PA2G4: variants seen among roughly 807,000 people sequenced by gnomAD.
PA2G4 encodes the protein proliferation-associated protein 2G4.
Under a neutral mutation model 53.3 loss-of-function variants are expected in PA2G4, and 8 were observed. The ratio of observed to expected loss-of-function variants is 0.15; its 90% CI spans 0.09 to 0.27. The LOEUF (loss-of-function observed/expected upper bound fraction) is 0.27. PA2G4 is among the 10% of genes least tolerant of loss of function. The probability of loss-of-function intolerance (pLI) is 1.00; values close to 1 mark genes in which losing one functional copy is unlikely to be tolerated. For missense variants in PA2G4, 208 were observed against 486.8 expected (o/e 0.43, Z 5.39); for synonymous variants, 143 against 169.8 (o/e 0.84, Z 1.23).
At chr12:56,109,124 CAAA>C (rs59103730) in intron 5 of PA2G4, 103 bp from the exon 6 acceptor site, 2,181 of 379,148 alleles carry the variant, frequency 5.8e-3, no homozygotes, top group East Asian at 8.0e-3. Flanking sequence ...GACTCCATCT[CAAA>C]AAAAAAAAAA....
At chr12:56,106,077 A>G (rs1869293502) in intron 1 of PA2G4, 1 of 152,270 alleles carries the variant, frequency 6.6e-6, no homozygotes, top group African/African-American at 2.4e-5. Flanking sequence ...TCTTTTAGAT[A>G]AGCCATGATC....
intron 12 of PA2G4, among the ~76,000 whole-genome samples, chr12:56,112,006 C>T (rs906234042): frequency 7.9e-5 from 12 of 151,826 alleles, no homozygotes; most frequent in Admixed American, 4.6e-4. Context: ...CCCAGCTACT[C>T]GGGAGGCTAA....
rs138795633 is a variant in PA2G4 at position 56,111,040 on chromosome 12, G to A, written c.919G>A (p.Val307Ile). 1 of 1,613,970 alleles carries A rather than the reference G, an allele frequency of 6.2e-7. No individual in the cohort carries two copies. The highest frequency in any genetic ancestry group is 1.3e-5 in the African/African-American group (1 of 74,922). Residue 307 changes from valine to isoleucine, a missense_variant, in exon 10 of 13, where the codon GTT (valine) becomes ATT (isoleucine). Around this residue, in one of 3 missense-constraint regions of PA2G4, gnomAD observed 143 missense variants for 386.8 expected, o/e 0.37. Transcript: ENST00000303305. Reference protein sequence around the residue: ...AKHELLQPFNVLYEKEGEFVA... With the variant: ...AKHELLQPFNILYEKEGEFVA... Reference sequence around the variant, plus strand: ...ACATGAACTGCTGCAACCATTTAATGTTCTCTATGAGAAGGAGGGTGAGTT... The same window carrying A: ...ACATGAACTGCTGCAACCATTTAATATTCTCTATGAGAAGGAGGGTGAGTT...
At chr12:56,104,934 C>T (rs2136837932) in intron 1 of PA2G4, 109 bp downstream of exon 1, 3 of 1,002,500 alleles carry the variant, frequency 3.0e-6, no homozygotes, top group Non-Finnish European at 3.2e-6. Flanking sequence ...TACTGAGGGG[C>T]CCGCACCGGT....
At chr12:56,107,702 C>T (rs1162172047) in intron 5 of PA2G4, 89 bp downstream of exon 5, 1 of 781,772 alleles carries the variant, frequency 1.3e-6, no homozygotes, top group South Asian at 1.5e-5. Flanking sequence ...ACCAACCTCC[C>T]CTACAGACCC....
chr12:56,107,686 G>C, intron 5 of PA2G4, 73 bp downstream of exon 5: 7 of 978,804 alleles, frequency 7.2e-6, no homozygotes, highest in Non-Finnish European at 1.1e-5. Flanking sequence ...TACTCTATAT[G>C]AAACTACCAA....
chr12:56,110,796 C>T, intron 9 of PA2G4, 104 bp downstream of exon 9: 2 of 1,415,530 alleles, frequency 1.4e-6, no homozygotes, highest in Non-Finnish European at 9.9e-7. Context: ...CGTGCATGTG[C>T]TCACTCCCTC....
Position 56,110,515 on chromosome 12 carries a change from G to A in PA2G4, c.708+38G>A, listed in dbSNP as rs750930767. On this transcript the variant is annotated intron_variant, in intron 8 of 12. Transcript: ENST00000303305. ...CCAGAGTTGGCAAAGAGGGGTGACT[G>A]AGAGTGTTCACCAGACCAAATGTTA... The A allele has an allele frequency of 8.1e-6, 13 of 1,613,718 alleles. No homozygotes were observed. The Admixed American group carries it at 1.5e-4, about 19-fold the overall frequency.
rs888843283 is a variant in PA2G4 at position 56,113,553 on chromosome 12, T to C, written c.*665T>C. 5.4e-6 allele frequency: 2 copies of C among 370,010 alleles called. No homozygotes were observed. The highest frequency in any genetic ancestry group is 2.1e-5 in the African/African-American group (1 of 48,134). 22.9% of individuals were successfully genotyped at this position (370,010 alleles called of 1,614,324 possible). Reference sequence around the variant, plus strand: ...CCATTTTCACAAAGCTGTAAAGAAATAATCCATCTCAACCTTACCCTTTTT... The same window carrying C: ...CCATTTTCACAAAGCTGTAAAGAAACAATCCATCTCAACCTTACCCTTTTT... On this transcript the variant is annotated 3_prime_UTR_variant, in exon 13 of 13. Transcript: ENST00000303305.
At chr12:56,106,748 G>A (rs559675925) in intron 2 of PA2G4, 32 bp downstream of exon 2, 16 of 1,576,044 alleles carry the variant, frequency 1.0e-5, no homozygotes, top group Middle Eastern at 3.4e-4. Flanking sequence ...CTAATTTTCC[G>A]TTTGACCCTT....
chr12:56,104,788 C>G lies in PA2G4; in HGVS notation c.51C>G (p.Val17=). 2.5e-6 allele frequency: 4 copies of G among 1,613,882 alleles called. No individual in the cohort carries two copies. The highest frequency in any genetic ancestry group is 3.4e-6 in the Non-Finnish European group (4 of 1,179,974). ...QQEQTIAEDL[V]VTKYKMGGDI... ...AGCAAACTATCGCTGAGGACCTGGT[C>G]GTGACCAAGTATAAGATGGGGGGCG... The change falls in exon 1 of 13, where the codon GTC becomes GTG. Residue 17 remains valine, a synonymous_variant. Coordinates refer to ENST00000303305, the MANE Select transcript of PA2G4 (RefSeq NM_006191.3).
At chr12:56,110,516 A>G in intron 8 of PA2G4, 39 bp downstream of exon 8, 1 of 1,613,766 alleles carries the variant, frequency 6.2e-7, no homozygotes, top group African/African-American at 1.3e-5. Context: ...GGGGTGACTG[A>G]GAGTGTTCAC....
chr12:56,107,656 A>T (rs897360473), intron 5 of PA2G4, 43 bp downstream of exon 5: 1 of 1,335,294 alleles, frequency 7.5e-7, no homozygotes, highest in Non-Finnish European at 1.1e-6. Flanking sequence ...TGAACCAAAG[A>T]TGCATTAGGC....
At position 56,113,208 on chromosome 12, in the gene PA2G4, A is replaced by G. The variant is rs1869468758; in HGVS notation, c.*320A>G. ...TTTTCTACTACTCTCTGCTTGGTCA[A>G]GGTTTGTGCCCCACTACAGAACAGG... On this transcript the variant is annotated 3_prime_UTR_variant, in exon 13 of 13. Coordinates refer to ENST00000303305, the MANE Select transcript of PA2G4 (RefSeq NM_006191.3). The G allele has an allele frequency of 4.4e-6, 1 of 225,728 alleles. No individual in the cohort carries two copies. The highest frequency in any genetic ancestry group is 8.6e-6 in the Non-Finnish European group (1 of 116,764). The allele number at this position is 225,728 out of a possible 1,614,324, so 14.0% of individuals were successfully genotyped here.
At chr12:56,107,900 G>A (rs1157192925) in intron 5 of PA2G4, among the ~76,000 whole-genome samples, 1 of 152,042 alleles carries the variant, frequency 6.6e-6, no homozygotes, top group Non-Finnish European at 1.5e-5. Flanking sequence ...GTGGTAACAT[G>A]TGCCTGTATT....
At chr12:56,111,943 C>T (rs1399080861) in intron 12 of PA2G4, among the ~76,000 whole-genome samples, 3 of 151,688 alleles carry the variant, frequency 2.0e-5, no homozygotes, top group African/African-American at 4.8e-5. Flanking sequence ...AGAGAAACCC[C>T]GTCTCTACTA....
chr12:56,110,746 A>T, intron 9 of PA2G4, 54 bp downstream of exon 9: 1 of 1,606,268 alleles, frequency 6.2e-7, no homozygotes, highest in South Asian at 1.1e-5. Flanking sequence ...CCATACACCC[A>T]GGAACACTTT....
rs549977058 is a variant in PA2G4 at position 56,113,077 on chromosome 12, G to A, written c.*189G>A. 3.3e-5 allele frequency: 15 copies of A among 456,680 alleles called. No individual in the cohort carries two copies. In the South Asian group the frequency reaches 5.7e-4, roughly 17 times the overall value. The allele number at this position is 456,680 out of a possible 1,614,324, so 28.3% of individuals were successfully genotyped here. ...CAGCTCCAACTGACTCTGGTCTTGG[G>A]AGGTGAGGCTTCCCAACCACGGAAG... On this transcript the variant is annotated 3_prime_UTR_variant, in exon 13 of 13. Transcript: ENST00000303305.
chr12:56,105,034 G>A, intron 1 of PA2G4: 1 of 702,964 alleles, frequency 1.4e-6, no homozygotes, highest in South Asian at 1.5e-5. Flanking sequence ...GGTGCGGGTC[G>A]GCGACCAGGA....
Sources: allele counts gnomAD v4.1 joint callset (sites outside exome capture counted in the v4.1 genomes callset), GRCh38; gene constraint gnomAD v4.1.1; regional missense constraint gnomAD v4.1.1; transcripts MANE v1.5; gene names NCBI Gene and HGNC (gene_info 2026-07-23, HGNC 2026-07-21).